The following RPS6KA5 variants were observed in gnomAD, a reference collection of about 807,000 sequenced individuals.
RPS6KA5 encodes ribosomal protein S6 kinase alpha-5.
Under a neutral mutation model 85.5 loss-of-function variants are expected in RPS6KA5, and 27 were observed. The observed-to-expected ratio is 0.32, with a 90% CI of 0.23 to 0.44. RPS6KA5 has a LOEUF of 0.44. RPS6KA5 is among the 20% of genes least tolerant of loss of function. RPS6KA5 has a pLI of 1.00. For missense variants in RPS6KA5, 811 were observed against 980.9 expected, an observed-to-expected ratio of 0.83 and a Z score of 2.31; for synonymous variants, 334 against 348.2, an observed-to-expected ratio of 0.96 and a Z score of 0.46.
intron 2 of RPS6KA5, among the ~76,000 whole-genome samples, chr14:90,999,297 G>C (rs1310383266): frequency 6.6e-6 from 1 of 152,144 alleles, no homozygotes; most frequent in East Asian, 1.9e-4. Context: ...CAAGAGAAAG[G>C]CTTTCTTTCT....
intron 1 of RPS6KA5, among the ~76,000 whole-genome samples, chr14:91,026,189 T>C (rs1445832617): frequency 1.3e-5 from 2 of 152,212 alleles, no homozygotes; most frequent in African/African-American, 4.8e-5. Flanking sequence ...TTATTTTTTA[T>C]AGCCGCATAT....
At chr14:91,006,152 A>G (rs887758167) in intron 1 of RPS6KA5, among the ~76,000 whole-genome samples, 1 of 152,186 alleles carries the variant, frequency 6.6e-6, no homozygotes, top group Non-Finnish European at 1.5e-5. Flanking sequence ...CAAGAGTCCA[A>G]AACTCCAGAT....
At chr14:90,872,790 C>T (rs761330327) in intron 16 of RPS6KA5, among the ~76,000 whole-genome samples, 6 of 152,226 alleles carry the variant, frequency 3.9e-5, no homozygotes, top group African/African-American at 7.2e-5. Flanking sequence ...TGGACACTTA[C>T]ACGCATGGAG....
chr14:90,874,888 C>T (rs1254149480), intron 15 of RPS6KA5, among the ~76,000 whole-genome samples: 2 of 152,124 alleles, frequency 1.3e-5, no homozygotes, highest in African/African-American at 4.8e-5. Context: ...AGCAGTGCCA[C>T]TGTTGACAGG....
chr14:90,951,851 T>C (rs1363665671), intron 3 of RPS6KA5, among the ~76,000 whole-genome samples: 1 of 152,198 alleles, frequency 6.6e-6, no homozygotes, highest in Admixed American at 6.5e-5. Context: ...AAATTGGCTA[T>C]TGCCATGTCC....
At chr14:90,957,342 G>A (rs1023336972) in intron 3 of RPS6KA5, among the ~76,000 whole-genome samples, 2 of 152,188 alleles carry the variant, frequency 1.3e-5, no homozygotes, top group East Asian at 1.9e-4. Context: ...TGGGATTACC[G>A]TCATGAGCCA....
intron 3 of RPS6KA5, among the ~76,000 whole-genome samples, chr14:90,957,344 C>G (rs528276651): frequency 6.6e-6 from 1 of 152,196 alleles, no homozygotes; most frequent in Non-Finnish European, 1.5e-5. Context: ...GGATTACCGT[C>G]ATGAGCCACT....
chr14:90,949,299 T>C (rs1286110), intron 3 of RPS6KA5, among the ~76,000 whole-genome samples: 1 of 152,212 alleles, frequency 6.6e-6, no homozygotes, highest in East Asian at 1.9e-4. Context: ...CAATCATCTC[T>C]TCTTCTATGG....
chr14:90,881,430 G>T (rs2033829011), intron 14 of RPS6KA5, among the ~76,000 whole-genome samples: 2 of 148,142 alleles, frequency 1.4e-5, no homozygotes, highest in Non-Finnish European at 3.0e-5. Flanking sequence ...TCCAGCCTGG[G>T]CAACAAAGCA....
At chr14:90,911,049 A>G (rs75001654) in intron 7 of RPS6KA5, among the ~76,000 whole-genome samples, 6,119 of 152,074 alleles carry the variant, frequency 0.04, 401 homozygotes, top group African/African-American at 0.14. Context: ...TGCTCTAACC[A>G]TCCTATCAAG....
At chr14:90,892,626 C>G (rs1035764083) in intron 13 of RPS6KA5, among the ~76,000 whole-genome samples, 2 of 152,214 alleles carry the variant, frequency 1.3e-5, no homozygotes, top group East Asian at 1.9e-4. Context: ...CTAAGAATGT[C>G]AGCCAGCTTC....
intron 5 of RPS6KA5, among the ~76,000 whole-genome samples, chr14:90,938,791 G>A (rs1162034250): frequency 6.6e-6 from 1 of 152,212 alleles, no homozygotes; most frequent in South Asian, 2.1e-4. Context: ...GAGAGGCCCT[G>A]TGCCCGGCCC....
rs537682025 is a variant in RPS6KA5, at chr14:90,992,893, T to G, written c.175+8195A>C. ...ATGTTAAACTTTGAGGAACATTACTTCAGGAAACTAACTCCTGTCACCTCC... is the reference window on the plus strand; with the variant it reads ...ATGTTAAACTTTGAGGAACATTACTGCAGGAAACTAACTCCTGTCACCTCC... On this transcript the variant is annotated intron_variant, in intron 2 of 16. Coordinates refer to ENST00000614987, the MANE Select transcript of RPS6KA5 (RefSeq NM_004755.4). Among the ~76,000 whole-genome samples, 4 of 152,352 alleles carry G rather than the reference T, an allele frequency of 2.6e-5. No individual in the cohort carries two copies. The South Asian group carries it at 8.3e-4, about 32-fold the overall frequency.
intron 1 of RPS6KA5, among the ~76,000 whole-genome samples, chr14:91,029,239 CTTT>C (rs1475031092): frequency 1.3e-5 from 2 of 152,114 alleles, no homozygotes; most frequent in Non-Finnish European, 2.9e-5. Context: ...CCACTATTTG[CTTT>C]ATTATTGTCT....
chr14:90,940,145 G>C (rs554062634), intron 5 of RPS6KA5, among the ~76,000 whole-genome samples: 2 of 152,208 alleles, frequency 1.3e-5, no homozygotes, highest in East Asian at 3.9e-4. Context: ...TGTCCTCTAG[G>C]GCTAACAGGA....
At chr14:90,961,034 CGACA>C (rs1809335042) in intron 3 of RPS6KA5, among the ~76,000 whole-genome samples, 1 of 152,124 alleles carries the variant, frequency 6.6e-6, no homozygotes, top group African/African-American at 2.4e-5. Flanking sequence ...AAAGGGCTCC[CGACA>C]GACAAGAATC....
intron 14 of RPS6KA5, among the ~76,000 whole-genome samples, chr14:90,883,258 G>A (rs1460251234): frequency 6.6e-6 from 1 of 151,814 alleles, no homozygotes; most frequent in Admixed American, 6.6e-5. Context: ...CTGAAACTCC[G>A]ACAATGCATA....
chr14:90,941,592 G>A (rs1007981067), intron 5 of RPS6KA5, among the ~76,000 whole-genome samples: 1 of 152,192 alleles, frequency 6.6e-6, no homozygotes, highest in Non-Finnish European at 1.5e-5. Flanking sequence ...ATGTGAACAG[G>A]GGCAGAGATA....
intron 3 of RPS6KA5, among the ~76,000 whole-genome samples, chr14:90,976,202 GAAAAA>G (rs5810526): frequency 1.8e-5 from 2 of 109,068 alleles, no homozygotes; most frequent in African/African-American, 3.3e-5. Flanking sequence ...TAAGAGAACA[GAAAAA>G]AAAAAAAAAA....
Sources: allele counts gnomAD v4.1 joint callset (sites outside exome capture counted in the v4.1 genomes callset), GRCh38; gene constraint gnomAD v4.1.1; transcripts MANE v1.5; gene names NCBI Gene and HGNC (gene_info 2026-07-23, HGNC 2026-07-21).